The following DROSHA variants were observed in gnomAD, a reference collection of about 807,000 sequenced individuals.
The protein encoded by DROSHA is ribonuclease 3.
A neutral mutation model predicts 181.9 loss-of-function variants in DROSHA; 56 were observed. The ratio of observed to expected loss-of-function variants is 0.31; its 90% CI spans 0.25 to 0.38. The LOEUF is 0.38. Among genes scored for constraint, DROSHA ranks in the 10% least tolerant of loss-of-function variants. The pLI is 1.00. For synonymous variants in DROSHA, 524 were observed against 591.2 expected (o/e 0.89, Z 1.65); for missense variants, 1,218 against 1,743.5 (o/e 0.70, Z 5.37).
At chr5:31,503,689 T>G (rs1737570868) in intron 11 of DROSHA, among the ~76,000 whole-genome samples, 1 of 152,206 alleles carries the variant, frequency 6.6e-6, no homozygotes, top group African/African-American at 2.4e-5. Context: ...GCTCTTTTCC[T>G]GTCACAGGTG....
Position 31,403,424 on chromosome 5 carries a change from T to TAC in DROSHA, c.3995-1864_3995-1863dup, listed in dbSNP as rs938559666. Among the ~76,000 whole-genome samples, 653 of 152,056 alleles carry TAC rather than the reference T, an allele frequency of 4.3e-3. 4 individuals carry two copies. Among genetic ancestry groups the TAC allele is most frequent in the Non-Finnish European group, 4.7e-3 (322 of 67,954 alleles). On this transcript the variant is annotated intron_variant, in intron 35 of 35. Transcript: ENST00000344624. ...ATATACATACATATATACATATATA[T>TAC]ACACACACACACATACACCTAGACA...
chr5:31,511,667 T>C (rs138032904), intron 8 of DROSHA, among the ~76,000 whole-genome samples: 40 of 150,136 alleles, frequency 2.7e-4, no homozygotes, highest in African/African-American at 8.8e-4. Flanking sequence ...GCCACTATAC[T>C]CTAGCCTGGG....
At position 31,508,744 on chromosome 5, in the gene DROSHA, A is replaced by G. The variant is rs774715215; in HGVS notation, c.1464T>C (p.Asp488=). ...ESSSESECES[D]EDSTCSSSSD... is the part of the protein sequence containing the mutation. ...AGCTGCTAGAACAGGTGCTGTCCTCATCAGACTCACACTCGGATTCACTGG... is the reference window on the plus strand; with the variant it reads ...AGCTGCTAGAACAGGTGCTGTCCTCGTCAGACTCACACTCGGATTCACTGG... The change falls in exon 10 of 36, where the codon GAT becomes GAC. Residue 488 remains aspartate, a synonymous_variant. Transcript: ENST00000344624. 6.2e-7 allele frequency: 1 copy of G among 1,613,762 alleles called. No individual in the cohort carries two copies. The highest frequency in any genetic ancestry group is 1.3e-5 in the African/African-American group (1 of 74,888).
chr5:31,526,051 A>G (rs1740504519), intron 5 of DROSHA, 28 bp downstream of exon 5: 2 of 1,536,374 alleles, frequency 1.3e-6, no homozygotes, highest in Non-Finnish European at 1.8e-6. Context: ...TCTGCAGTTC[A>G]TTAAAGAACT....
At chr5:31,427,265 T>A (rs764330785) in intron 27 of DROSHA, among the ~76,000 whole-genome samples, 3 of 152,128 alleles carry the variant, frequency 2.0e-5, no homozygotes, top group Non-Finnish European at 4.4e-5. Flanking sequence ...TTAACACCAC[T>A]CTAGCTTTCT....
intron 16 of DROSHA, 75 bp from the exon 17 acceptor site, chr5:31,472,307 AGG>A: frequency 6.8e-7 from 1 of 1,468,762 alleles, no homozygotes; most frequent in Admixed American, 2.4e-5. Context: ...CAACTGAATA[AGG>A]AAAAAAACAA....
intron 16 of DROSHA, among the ~76,000 whole-genome samples, chr5:31,476,267 G>A (rs1194318838): frequency 1.3e-5 from 2 of 152,068 alleles, no homozygotes; most frequent in Non-Finnish European, 2.9e-5. Flanking sequence ...CAGGAGGCTG[G>A]GGCAGGAGAA....
At chr5:31,509,767 T>C (rs1398211917) in intron 9 of DROSHA, among the ~76,000 whole-genome samples, 1 of 152,170 alleles carries the variant, frequency 6.6e-6, no homozygotes, top group African/African-American at 2.4e-5. Flanking sequence ...TTATGCTAAC[T>C]GAAATATGCC....
intron 30 of DROSHA, among the ~76,000 whole-genome samples, chr5:31,419,009 A>G (rs1465434351): frequency 1.3e-5 from 2 of 152,232 alleles, no homozygotes; most frequent in African/African-American, 2.4e-5. Context: ...GAGAGACTCT[A>G]TTAAAAAGAG....
chr5:31,420,204 C>T lies in DROSHA; in HGVS notation c.3525+1068G>A, dbSNP rs114187211. ...CCAATTCTATTCAAAGCAGAACACA[C>T]ATAAAAACTGTAGAGATGCAAAGTT... On this transcript the variant is annotated intron_variant, in intron 30 of 35. Transcript: ENST00000344624. Among the ~76,000 whole-genome samples the T allele has an allele frequency of 5.0e-3, 760 of 152,330 alleles. 8 individuals are homozygous for T. The highest frequency in any genetic ancestry group is 0.017 in the African/African-American group (727 of 41,582).
Position 31,495,301 on chromosome 5 carries a change from C to T in DROSHA, c.1740G>A (p.Pro580=), listed in dbSNP as rs200983619. The stretch of plus-strand genomic sequence containing the variant: ...AGAAACTTACTAAAAAGTTCGTAGG[C>T]GGGGAGACTGTGATCCGGTAGTGGA... ...RLFHYRITVS[P]PTNFLTDRPT... Residue 580 remains proline (P), a synonymous_variant, in exon 12 of 36, where the codon CCG becomes CCA. Transcript: ENST00000344624. 14 of 1,613,594 alleles carry T rather than the reference C, an allele frequency of 8.7e-6. No individual in the cohort carries two copies. The highest frequency in any genetic ancestry group is 8.0e-5 in the African/African-American group (6 of 74,968).
rs1258304693 is a variant in DROSHA at position 31,411,832 on chromosome 5, G to A, written c.3526-945C>T. On this transcript the variant is annotated intron_variant, in intron 30 of 35. Transcript: ENST00000344624. The surrounding 1 kb of genome is among the most constrained non-coding windows in gnomAD (Gnocchi z 4.2). ...TGTAGAGACAGGGTTTCACCATGTTGCCTAGGCTGGTCTCGAACTCCAGAG... is the reference window on the plus strand; with the variant it reads ...TGTAGAGACAGGGTTTCACCATGTTACCTAGGCTGGTCTCGAACTCCAGAG... 2.0e-5 allele frequency among the ~76,000 whole-genome samples: 3 copies of A among 152,154 alleles called. No individual in the cohort carries two copies. Among genetic ancestry groups the A allele is most frequent in the Non-Finnish European group, 4.4e-5 (3 of 68,030 alleles).
chr5:31,428,695 A>G (rs1743783480), intron 27 of DROSHA, among the ~76,000 whole-genome samples: 1 of 152,206 alleles, frequency 6.6e-6, no homozygotes, highest in Non-Finnish European at 1.5e-5. Context: ...ACAGCCATTT[A>G]AGCTGAAGGT....
intron 18 of DROSHA, 95 bp from the exon 19 acceptor site, chr5:31,466,376 C>T (rs1749004330): frequency 1.0e-6 from 1 of 985,512 alleles, no homozygotes; most frequent in Non-Finnish European, 1.6e-6. Flanking sequence ...TCAAATCATA[C>T]ATTACATTCT....
intron 23 of DROSHA, 152 bp from the exon 24 acceptor site, chr5:31,437,450 T>A (rs1004958705): frequency 9.8e-5 from 68 of 692,788 alleles, no homozygotes; most frequent in Non-Finnish European, 1.5e-4. Flanking sequence ...CAGACCACCA[T>A]CTTAGCCTAG....
rs976611608 is a variant in DROSHA, at chr5:31,519,913, G to A, written c.947+1210C>T. On this transcript the variant is annotated intron_variant, in intron 6 of 35. Transcript: ENST00000344624. ...TTTTAACAAACTACTGAAAACATTT[G>A]CTAATATCCTAATTCGTGTTTTTAT... 3.3e-5 allele frequency among the ~76,000 whole-genome samples: 5 copies of A among 152,132 alleles called. No homozygotes were observed. The East Asian group carries it at 7.7e-4, about 23-fold the overall frequency.
chr5:31,507,698 T>G (rs887261735), intron 10 of DROSHA, among the ~76,000 whole-genome samples: 1 of 152,170 alleles, frequency 6.6e-6, no homozygotes, highest in Non-Finnish European at 1.5e-5. Flanking sequence ...AATTCAATTG[T>G]AGGGATAGTT....
chr5:31,498,516 G>A (rs1030877258), intron 11 of DROSHA, among the ~76,000 whole-genome samples: 1 of 152,170 alleles, frequency 6.6e-6, no homozygotes, highest in Non-Finnish European at 1.5e-5. Flanking sequence ...GGTCAGAAAT[G>A]AAGAAAGCAT....
At chr5:31,401,840 C>T (rs909525226) in intron 35 of DROSHA, among the ~76,000 whole-genome samples, 1 of 152,114 alleles carries the variant, frequency 6.6e-6, no homozygotes, top group Non-Finnish European at 1.5e-5. Context: ...AATGCCAAAA[C>T]ACAGACGTGT....
Sources: allele counts gnomAD v4.1 joint callset (sites outside exome capture counted in the v4.1 genomes callset), GRCh38; gene constraint gnomAD v4.1.1; non-coding constraint Gnocchi (gnomAD v3.1); transcripts MANE v1.5; gene names NCBI Gene and HGNC (gene_info 2026-07-23, HGNC 2026-07-21).